The following ANKRD44 variants were observed in gnomAD, a reference collection of about 807,000 sequenced individuals.
ANKRD44 encodes the protein ankyrin repeat domain 44.
In ANKRD44, 35 loss-of-function variants were observed where a neutral mutation model predicts 116.0. That is an observed-to-expected ratio of 0.30 (90% CI 0.23 to 0.40). The LOEUF (loss-of-function observed/expected upper bound fraction) is 0.40, where lower values mean the gene tolerates loss of function less well. Among genes scored for constraint, ANKRD44 ranks in the 10% least tolerant of loss-of-function variants. The pLI, the probability that ANKRD44 is intolerant of heterozygous loss-of-function variation, is 1.00. For missense variants in ANKRD44, 1,014 were observed against 1,242.6 expected (o/e 0.82, Z 2.77); for synonymous variants, 435 against 461.8 (o/e 0.94, Z 0.74).
intron 16 of ANKRD44, among the ~76,000 whole-genome samples, chr2:197,075,080 C>G (rs773782453): frequency 6.6e-5 from 10 of 151,950 alleles, no homozygotes; most frequent in Non-Finnish European, 1.2e-4. Flanking sequence ...AGCCAAATTC[C>G]AAGTGATTTG....
chr2:197,030,006 A>C (rs1352960510), intron 16 of ANKRD44: 1 of 167,218 alleles, frequency 6.0e-6, no homozygotes, highest in Non-Finnish European at 1.3e-5. Context: ...AGTCTTCACC[A>C]CCCATATTTC....
rs902417960 is a variant in ANKRD44 at position 197,011,686 on chromosome 2, T to A, written c.1924+1825A>T. On this transcript the variant is annotated intron_variant, in intron 18 of 27. Coordinates refer to ENST00000282272, the MANE Select transcript of ANKRD44 (RefSeq NM_001195144.2). The stretch of plus-strand genomic sequence containing the variant: ...TGGGGTTTCACCTTGTTGGCCAGGC[T>A]GGTCTCGAACTCCTGACCTCAGGTG... 4.6e-5 allele frequency among the ~76,000 whole-genome samples: 7 copies of A among 152,128 alleles called. No homozygotes were observed. The East Asian group carries it at 1.3e-3, about 29-fold the overall frequency.
intron 1 of ANKRD44, among the ~76,000 whole-genome samples, chr2:197,258,523 T>A (rs2082515516): frequency 6.6e-6 from 1 of 152,228 alleles, no homozygotes; most frequent in South Asian, 2.1e-4. Context: ...ATCTTTTGGT[T>A]ATTGTGGATA....
At chr2:197,256,369 G>A (rs2105697864) in intron 1 of ANKRD44, among the ~76,000 whole-genome samples, 1 of 152,268 alleles carries the variant, frequency 6.6e-6, no homozygotes, top group South Asian at 2.1e-4. Context: ...ATGTGTCTTT[G>A]AAAGGCCTTT....
chr2:197,137,537 C>T (rs1284809536), intron 3 of ANKRD44, among the ~76,000 whole-genome samples: 1 of 152,138 alleles, frequency 6.6e-6, no homozygotes, highest in Non-Finnish European at 1.5e-5. Context: ...GACTTCCATG[C>T]GTAAACGTGA....
exon 22 of ANKRD44, chr2:196,967,283 G>A (rs1302024694): frequency 6.2e-6 from 2 of 322,806 alleles, no homozygotes; most frequent in South Asian, 2.6e-5. Flanking sequence ...AGACAGGCAA[G>A]GCGAATCCGG....
At chr2:197,098,946 A>T (rs1483557009) in intron 10 of ANKRD44, among the ~76,000 whole-genome samples, 1 of 152,132 alleles carries the variant, frequency 6.6e-6, no homozygotes, top group African/African-American at 2.4e-5. Flanking sequence ...GGTGGTGCAC[A>T]GCATCATCAC....
chr2:197,013,807 A>T, intron 17 of ANKRD44, 95 bp from the exon 18 acceptor site: 1 of 1,255,344 alleles, frequency 8.0e-7, no homozygotes, highest in Non-Finnish European at 1.1e-6. Context: ...GGCCATGGAT[A>T]GAGACCACTC....
intron 16 of ANKRD44, among the ~76,000 whole-genome samples, chr2:197,054,384 A>C (rs2077165690): frequency 1.4e-5 from 1 of 70,144 alleles, no homozygotes; most frequent in East Asian, 7.6e-4. Context: ...CTCAACTTCC[A>C]AGAAAAAAAA....
At chr2:196,990,871 G>A (rs1007262125) in intron 27 of ANKRD44, 29 of 1,232,482 alleles carry the variant, frequency 2.4e-5, no homozygotes, top group African/African-American at 3.1e-5. Context: ...GCCAAAATGA[G>A]GGCCAGGCAG....
intron 1 of ANKRD44, among the ~76,000 whole-genome samples, chr2:197,277,248 A>G (rs1351120816): frequency 6.6e-6 from 1 of 152,084 alleles, no homozygotes; most frequent in Non-Finnish European, 1.5e-5. Flanking sequence ...TTTGGTACCC[A>G]CAAGTATAGA....
intron 1 of ANKRD44, among the ~76,000 whole-genome samples, chr2:197,221,013 G>T (rs1187453972): frequency 2.0e-5 from 3 of 152,174 alleles, no homozygotes; most frequent in African/African-American, 4.8e-5. Context: ...ACTTTGGGAG[G>T]CCAAGACGGG....
At chr2:197,259,589 T>C (rs1250615227) in intron 1 of ANKRD44, among the ~76,000 whole-genome samples, 1 of 152,136 alleles carries the variant, frequency 6.6e-6, no homozygotes, top group Admixed American at 6.6e-5. Context: ...TTCAAATCTT[T>C]TCTCCTTTTT....
chr2:196,988,525 C>T lies in ANKRD44; in HGVS notation c.*1066G>A, dbSNP rs1240433858. 1.0e-6 allele frequency: 1 copy of T among 985,204 alleles called. No homozygotes were observed. The highest frequency in any genetic ancestry group is 1.1e-4 in the East Asian group (1 of 8,826). The allele number at this position is 985,204 out of a possible 1,614,324, so 61.0% of individuals were successfully genotyped here. A position where few individuals can be genotyped will look rare whatever the true frequency, so the allele number is the denominator to read the frequency against. On this transcript the variant is annotated 3_prime_UTR_variant, in exon 28 of 28. Coordinates refer to ENST00000282272, the MANE Select transcript of ANKRD44 (RefSeq NM_001195144.2). ...AAGTTCTCATTTGTGAAGAACCCAA[C>T]AGGAGTTTTAATTAAATCCAGGATA...
intron 6 of ANKRD44, among the ~76,000 whole-genome samples, 158 bp from the exon 7 acceptor site, chr2:197,122,950 A>G (rs1465245668): frequency 6.6e-6 from 1 of 152,252 alleles, no homozygotes; most frequent in African/African-American, 2.4e-5. Context: ...ACAAATATTT[A>G]TTGAGTACCT....
chr2:197,130,119 G>A (rs2079063684), intron 4 of ANKRD44, among the ~76,000 whole-genome samples: 1 of 152,120 alleles, frequency 6.6e-6, no homozygotes, highest in Admixed American at 6.5e-5. Context: ...CTGCTCTTAA[G>A]TCCTGCAGGC....
chr2:197,136,483 A>G (rs956511304), intron 4 of ANKRD44, 109 bp downstream of exon 4: 16 of 1,000,360 alleles, frequency 1.6e-5, no homozygotes, highest in Admixed American at 9.7e-5. Flanking sequence ...ACCCTCTTAC[A>G]TTAGAGGTAA....
rs994708767 is a variant in ANKRD44, at chr2:197,068,127, C to T, written c.1650+10576G>A. Among the ~76,000 whole-genome samples, 21 of 117,242 alleles carry T rather than the reference C, an allele frequency of 1.8e-4. No homozygotes were observed. The East Asian group carries it at 2.0e-3, about 11-fold the overall frequency. The allele number at this position is 117,242 out of a possible 152,430, so 76.9% of individuals were successfully genotyped here. ...ATCGCAAGAACAAAAAACCAAACAC[C>T]GCATATTCTCACTCATAGGTGGGAA... On this transcript the variant is annotated intron_variant, in intron 16 of 27. Transcript: ENST00000282272.
rs578247063 is a variant in ANKRD44, at chr2:197,022,509, C to T, written c.1722+2687G>A. 2.3e-4 allele frequency among the ~76,000 whole-genome samples: 35 copies of T among 152,298 alleles called. 1 individual carries two copies. The South Asian group carries it at 6.6e-3, about 29-fold the overall frequency. ...GGCCCCCCAAACTCCTGGCTCCCTC[C>T]ACAACATGTGAGGCATTGCCCCCAG... On this transcript the variant is annotated intron_variant, in intron 17 of 27. Transcript: ENST00000282272.
Sources: allele counts gnomAD v4.1 joint callset (sites outside exome capture counted in the v4.1 genomes callset), GRCh38; gene constraint gnomAD v4.1.1; transcripts MANE v1.5; gene names NCBI Gene and HGNC (gene_info 2026-07-23, HGNC 2026-07-21).